SYTL3: variants seen among roughly 807,000 people sequenced by gnomAD.
SYTL3 encodes the protein synaptotagmin-like protein 3.
A neutral mutation model predicts 82.1 loss-of-function variants in SYTL3; 88 were observed. That is an observed-to-expected ratio of 1.07 (90% CI 0.90 to 1.28). SYTL3 has a LOEUF of 1.28. Among genes scored for constraint, SYTL3 ranks in the 50% most tolerant of loss-of-function variants. The probability of loss-of-function intolerance (pLI) is 0.00; values close to 1 mark genes in which losing one functional copy is unlikely to be tolerated. For synonymous variants in SYTL3, 311 were observed against 289.4 expected, an observed-to-expected ratio of 1.07 and a Z score of -0.76; for missense variants, 831 against 757.6, an observed-to-expected ratio of 1.10 and a Z score of -1.14.
intron 10 of SYTL3, among the ~76,000 whole-genome samples, chr6:158,723,392 A>C (rs1784359938): frequency 6.6e-6 from 1 of 152,090 alleles, no homozygotes; most frequent in Non-Finnish European, 1.5e-5. Flanking sequence ...CTACTTTTTA[A>C]GGCTTTTAGT....
intron 9 of SYTL3, among the ~76,000 whole-genome samples, chr6:158,714,950 T>G (rs970561270): frequency 6.6e-6 from 1 of 152,230 alleles, no homozygotes; most frequent in African/African-American, 2.4e-5. Flanking sequence ...TGCAATGGTC[T>G]GTTCCTTTCT....
chr6:158,753,375 C>T, intron 13 of SYTL3, among the ~76,000 whole-genome samples: 1 of 151,958 alleles, frequency 6.6e-6, no homozygotes, highest in East Asian at 1.9e-4. Flanking sequence ...AGCCACCACG[C>T]CAGGCCTAAA....
chr6:158,667,981 A>G (rs945587957), intron 5 of SYTL3, among the ~76,000 whole-genome samples: 1 of 152,208 alleles, frequency 6.6e-6, no homozygotes, highest in African/African-American at 2.4e-5. Context: ...CAGAACATCC[A>G]TGGTTGGAAT....
At chr6:158,733,270 C>T (rs1188097120) in intron 11 of SYTL3, among the ~76,000 whole-genome samples, 19 of 152,136 alleles carry the variant, frequency 1.2e-4, no homozygotes. Context: ...TATTACTTTT[C>T]TAAGTCCTTT....
In SYTL3 at chr6:158,760,727, C is replaced by T; in HGVS notation, c.1396C>T (p.Leu466Phe). 6.2e-7 allele frequency: 1 copy of T among 1,614,078 alleles called. No individual in the cohort carries two copies. Among genetic ancestry groups the T allele is most frequent in the Non-Finnish European group, 8.5e-7 (1 of 1,179,918 alleles). Reference sequence around the variant, plus strand: ...GGTTCTCCCTTCACGGCCCAGAAAACTCCAAGAGGCTCAAGAAGGTCAGTG... The same window carrying T: ...GGTTCTCCCTTCACGGCCCAGAAAATTCCAAGAGGCTCAAGAAGGTCAGTG... ...KLVLPSRPRK[L>F]QEAQEGTDQP... The change falls in exon 15 of 18, where the codon CTC (leucine) becomes TTC (phenylalanine). Residue 466 changes from leucine to phenylalanine, a missense_variant. Physicochemically the swap from Leu to Phe is conservative, Grantham distance 22. Coordinates refer to ENST00000611299, the MANE Select transcript of SYTL3 (RefSeq NM_001242394.2).
At chr6:158,754,975 G>T (rs185757305) in intron 13 of SYTL3, among the ~76,000 whole-genome samples, 1 of 152,244 alleles carries the variant, frequency 6.6e-6, no homozygotes, top group Non-Finnish European at 1.5e-5. Flanking sequence ...GATAAGGAGT[G>T]TAGCTGGAAT....
chr6:158,715,816 G>A (rs942209931), intron 9 of SYTL3, among the ~76,000 whole-genome samples: 20 of 150,174 alleles, frequency 1.3e-4, no homozygotes, highest in South Asian at 1.0e-3. Flanking sequence ...GACACTTAGC[G>A]TCCTGTAGGC....
intron 11 of SYTL3, among the ~76,000 whole-genome samples, chr6:158,744,951 G>A (rs891666195): frequency 5.9e-5 from 9 of 152,128 alleles, no homozygotes; most frequent in Admixed American, 5.2e-4. Flanking sequence ...ACCATTGGGT[G>A]CACACTTTAC....
rs531917267 is a variant in SYTL3, at chr6:158,758,199, G to GT, written c.1308+818_1308+819insT. On this transcript the variant is annotated intron_variant, in intron 14 of 17. Transcript: ENST00000611299. ...CTCTTGACTGTAATCCCAGCACTTT[G>GT]GGAGGCCGAGGCGGGCAGATCACAA... Among the ~76,000 whole-genome samples, 20 of 152,282 alleles carry GT rather than the reference G, an allele frequency of 1.3e-4. No homozygotes were observed. In the South Asian group the frequency reaches 3.5e-3, roughly 27 times the overall value.
intron 11 of SYTL3, among the ~76,000 whole-genome samples, chr6:158,732,166 G>C (rs979615244): frequency 1.3e-5 from 2 of 152,080 alleles, no homozygotes; most frequent in Non-Finnish European, 2.9e-5. Flanking sequence ...AACACTAAAG[G>C]TTTAAAATAG....
intron 8 of SYTL3, among the ~76,000 whole-genome samples, chr6:158,711,564 C>CG (rs1428203498): frequency 6.6e-6 from 1 of 152,104 alleles, no homozygotes; most frequent in Non-Finnish European, 1.5e-5. Context: ...CCCCAAGAAA[C>CG]GGTTCTTGAA....
upstream of SYTL3, among the ~76,000 whole-genome samples, chr6:158,645,880 C>G (rs2128339300): frequency 6.6e-6 from 1 of 152,270 alleles, no homozygotes; most frequent in East Asian, 1.9e-4. Context: ...CTCAAAATCT[C>G]CTACAGAGAG....
rs1359841546 is a variant in SYTL3, at chr6:158,758,614, C to T, written c.1308+1233C>T. ...CTCTGCCTGGAAGCTTCTCAGGTTT[C>T]AGCTGAGGCCTCCTGGTGAGCCACC... is the stretch of plus-strand genomic sequence containing the variant. On this transcript the variant is annotated intron_variant, in intron 14 of 17. Transcript: ENST00000611299. Among the ~76,000 whole-genome samples the T allele has an allele frequency of 2.6e-5, 4 of 152,170 alleles. No homozygotes were observed. The East Asian group carries it at 5.8e-4, about 22-fold the overall frequency.
At chr6:158,698,876 G>A (rs1780850486) in intron 6 of SYTL3, among the ~76,000 whole-genome samples, 1 of 152,200 alleles carries the variant, frequency 6.6e-6, no homozygotes, top group African/African-American at 2.4e-5. Flanking sequence ...CGTTTAGATA[G>A]CCCCACCTGT....
chr6:158,681,458 G>A (rs1477981063), intron 5 of SYTL3, among the ~76,000 whole-genome samples: 5 of 152,036 alleles, frequency 3.3e-5, no homozygotes, highest in Admixed American at 6.6e-5. Flanking sequence ...CAGGTGGATC[G>A]CCTGAGGTCA....
At chr6:158,662,405 TTA>T (rs1562345563) in intron 3 of SYTL3, among the ~76,000 whole-genome samples, 1 of 152,212 alleles carries the variant, frequency 6.6e-6, no homozygotes, top group Non-Finnish European at 1.5e-5. Context: ...CCTTAATTGA[TTA>T]AACATTTTTT....
chr6:158,763,528 G>T lies in SYTL3; in HGVS notation c.1723+19G>T, dbSNP rs774940413. ...GGTTCAAGTAAGTCTGAGACATTGA[G>T]CCCAAACGTTTATACTTTGTGATTA... On this transcript the variant is annotated intron_variant, in intron 17 of 17. Transcript: ENST00000611299. 1 of 1,604,496 alleles carries T rather than the reference G, an allele frequency of 6.2e-7. No individual in the cohort carries two copies. The highest frequency in any genetic ancestry group is 1.1e-5 in the South Asian group (1 of 90,888).
chr6:158,664,319 C>T (rs1041583232), intron 4 of SYTL3, among the ~76,000 whole-genome samples: 6 of 152,040 alleles, frequency 3.9e-5, no homozygotes, highest in Non-Finnish European at 8.8e-5. Context: ...TTGAGGCGGG[C>T]GGATCACCTG....
intron 11 of SYTL3, among the ~76,000 whole-genome samples, chr6:158,729,570 T>TTC (rs1785148417): frequency 6.7e-6 from 1 of 148,614 alleles, no homozygotes; most frequent in African/African-American, 2.5e-5. Context: ...CTTTTTCTTT[T>TTC]TTTTTTTTTT....
Sources: allele counts gnomAD v4.1 joint callset (sites outside exome capture counted in the v4.1 genomes callset), GRCh38; gene constraint gnomAD v4.1.1; transcripts MANE v1.5; gene names NCBI Gene and HGNC (gene_info 2026-07-23, HGNC 2026-07-21).